CCSER2: variants seen among roughly 807,000 people sequenced by gnomAD.
CCSER2 encodes the protein serine-rich coiled-coil domain-containing protein 2.
A neutral mutation model predicts 92.3 loss-of-function variants in CCSER2; 46 were observed. The observed-to-expected ratio is 0.50, with a 90% CI of 0.39 to 0.64. The LOEUF (loss-of-function observed/expected upper bound fraction) is 0.64. CCSER2 is among the 30% of genes least tolerant of loss of function. CCSER2 has a pLI of 0.00. For synonymous variants in CCSER2, 433 were observed against 431.4 expected (o/e 1.00, Z -0.04); for missense variants, 1,244 against 1,238.9 (o/e 1.00, Z -0.06).
chr10:84,510,094 G>A (rs1211761966), intron 9 of CCSER2, among the ~76,000 whole-genome samples: 2 of 152,064 alleles, frequency 1.3e-5, no homozygotes, highest in Non-Finnish European at 2.9e-5. Context: ...CAAAGTCATA[G>A]CTACTTAGCC....
intron 5 of CCSER2, among the ~76,000 whole-genome samples, chr10:84,428,014 T>G (rs534996549): frequency 6.6e-6 from 1 of 152,220 alleles, no homozygotes; most frequent in South Asian, 2.1e-4. Flanking sequence ...TCTTCTTTAC[T>G]GGTTCCTACC....
At chr10:84,429,761 T>A (rs554720550) in intron 5 of CCSER2, among the ~76,000 whole-genome samples, 5 of 152,098 alleles carry the variant, frequency 3.3e-5, no homozygotes, top group African/African-American at 7.2e-5. Flanking sequence ...TTCATCAAAT[T>A]TGGGACATGT....
chr10:84,332,463 A>C (rs1843633110), intron 1 of CCSER2, among the ~76,000 whole-genome samples: 1 of 63,214 alleles, frequency 1.6e-5, no homozygotes, highest in Non-Finnish European at 3.0e-5. Flanking sequence ...TTTTTGAGAC[A>C]GAGTCTTGCT....
intron 3 of CCSER2, among the ~76,000 whole-genome samples, chr10:84,383,605 C>T (rs1024932658): frequency 9.2e-5 from 14 of 152,234 alleles, no homozygotes; most frequent in African/African-American, 2.2e-4. Flanking sequence ...CCACCGTACC[C>T]GGCTGAGGTG....
Position 84,417,645 on chromosome 10 carries a change from T to C in CCSER2, c.1615-126T>C, listed in dbSNP as rs558112898. ...TTTATTTTTAAAAAACTTGAAAACC[T>C]ATTTTATTCTTTCAGTGCAGATAAT... On this transcript the variant is annotated intron_variant, in intron 3 of 9. Transcript: ENST00000372088. The C allele has an allele frequency of 2.5e-4, 117 of 473,868 alleles. No homozygotes were observed. The South Asian group carries it at 5.1e-3, about 21-fold the overall frequency. 29.4% of individuals were successfully genotyped at this position (473,868 alleles called of 1,614,324 possible).
chr10:84,511,074 T>G (rs1849323994), intron 9 of CCSER2, among the ~76,000 whole-genome samples: 1 of 152,246 alleles, frequency 6.6e-6, no homozygotes, highest in East Asian at 1.9e-4. Flanking sequence ...ACCACTGATT[T>G]AGTTAATGTA....
chr10:84,444,997 G>A (rs779050781), intron 6 of CCSER2, among the ~76,000 whole-genome samples: 5 of 152,300 alleles, frequency 3.3e-5, no homozygotes, highest in Admixed American at 6.5e-5. Context: ...GCATATTAAT[G>A]TAGAGTGCAT....
chr10:84,493,487 A>G (rs1016949016), intron 9 of CCSER2, among the ~76,000 whole-genome samples: 4 of 152,250 alleles, frequency 2.6e-5, no homozygotes, highest in East Asian at 1.9e-4. Context: ...TTATTAGAGA[A>G]GTAAAGAAAC....
At chr10:84,508,496 A>AGT (rs1298130172) in intron 9 of CCSER2, among the ~76,000 whole-genome samples, 2 of 152,214 alleles carry the variant, frequency 1.3e-5, no homozygotes, top group Non-Finnish European at 2.9e-5. Flanking sequence ...TAGATCTATA[A>AGT]GTGATAGAGC....
intron 1 of CCSER2, among the ~76,000 whole-genome samples, chr10:84,351,768 T>A (rs911711016): frequency 7.2e-5 from 11 of 152,332 alleles, no homozygotes; most frequent in African/African-American, 2.6e-4. Flanking sequence ...TAAGTGAGAT[T>A]TCAGTAGTCT....
intron 1 of CCSER2, among the ~76,000 whole-genome samples, chr10:84,370,746 T>G (rs1466060894): frequency 6.6e-6 from 1 of 152,176 alleles, no homozygotes; most frequent in Non-Finnish European, 1.5e-5. Context: ...TTTTACATAG[T>G]CAAATTTGGT....
intron 3 of CCSER2, among the ~76,000 whole-genome samples, chr10:84,404,101 A>G (rs566554488): frequency 6.6e-6 from 1 of 152,344 alleles, no homozygotes; most frequent in East Asian, 1.9e-4. Context: ...TTCATTACCC[A>G]GGTTGCTCTG....
At position 84,367,139 on chromosome 10, in the gene CCSER2, C is replaced by T. The variant is rs978808112; in HGVS notation, c.-39-3875C>T. Among the ~76,000 whole-genome samples, 5 of 151,644 alleles carry T rather than the reference C, an allele frequency of 3.3e-5. No individual in the cohort carries two copies. In the South Asian group the frequency reaches 1.0e-3, roughly 32 times the overall value. On this transcript the variant is annotated intron_variant, in intron 1 of 9. Transcript: ENST00000372088. ...ATTTCTGGAGAATTATTTCTTTATC[C>T]TTGGTATTTCATTAACTTAAATAGG...
At chr10:84,505,993 T>A (rs1228636438) in intron 9 of CCSER2, among the ~76,000 whole-genome samples, 1 of 152,174 alleles carries the variant, frequency 6.6e-6, no homozygotes, top group Non-Finnish European at 1.5e-5. Flanking sequence ...TTTAGGTTTT[T>A]TTTCCTGAAC....
intron 9 of CCSER2, 100 bp downstream of exon 9, chr10:84,477,764 A>G (rs2133743990): frequency 1.5e-6 from 1 of 646,318 alleles, no homozygotes; most frequent in Non-Finnish European, 2.6e-6. Context: ...TGAATCTGTC[A>G]TGGCTGTTAA....
chr10:84,500,348 A>G (rs1208554829), intron 9 of CCSER2, among the ~76,000 whole-genome samples: 1 of 152,258 alleles, frequency 6.6e-6, no homozygotes, highest in Non-Finnish European at 1.5e-5. Context: ...GGACAGATGC[A>G]TAATGTGTGG....
At chr10:84,366,542 A>T (rs1043359429) in intron 1 of CCSER2, among the ~76,000 whole-genome samples, 35 of 152,212 alleles carry the variant, frequency 2.3e-4, no homozygotes, top group African/African-American at 8.2e-4. Context: ...ATAGAGAATG[A>T]TGTAAGATTA....
chr10:84,337,892 T>A (rs1378717672), intron 1 of CCSER2, among the ~76,000 whole-genome samples: 1 of 152,046 alleles, frequency 6.6e-6, no homozygotes, highest in East Asian at 1.9e-4. Context: ...AAGGAGCAGG[T>A]AGGGGAATAG....
At position 84,516,601 on chromosome 10, in the gene CCSER2, G is replaced by A. The variant is rs1206298376; in HGVS notation, c.*2334G>A. 6.6e-6 allele frequency: 1 copy of A among 152,256 alleles called. No homozygotes were observed. The allele number at this position is 152,256 out of a possible 1,614,324, so 9.4% of individuals were successfully genotyped here. ...ATTTACGAGTTGGCCTTATCCTTAA[G>A]GGAAAAGTTCTAAATTTTTAAATTT... On this transcript the variant is annotated 3_prime_UTR_variant, in exon 10 of 10. Transcript: ENST00000372088.
Sources: allele counts gnomAD v4.1 joint callset (sites outside exome capture counted in the v4.1 genomes callset), GRCh38; gene constraint gnomAD v4.1.1; transcripts MANE v1.5; gene names NCBI Gene and HGNC (gene_info 2026-07-23, HGNC 2026-07-21).